Variants in NPFFR1 observed in about 807,000 individuals in gnomAD.
NPFFR1 encodes the protein G-protein coupled receptor 147.
In NPFFR1, 17 loss-of-function variants were observed where a neutral mutation model predicts 12.7. The ratio of observed to expected loss-of-function variants is 1.34; its 90% confidence interval spans 0.92 to 2.01. The LOEUF (loss-of-function observed/expected upper bound fraction) is 2.01. Ranked by LOEUF, NPFFR1 falls within the 30% of genes most tolerant of loss-of-function variation. NPFFR1 has a pLI of 0.00. For synonymous variants in NPFFR1, 296 were observed against 264.5 expected (o/e 1.12, Z -1.16); for missense variants, 604 against 606.5 (o/e 1.00, Z 0.04).
At chr10:70,259,799 A>C (rs1326534127) in intron 3 of NPFFR1, among the ~76,000 whole-genome samples, 1 of 152,262 alleles carries the variant, frequency 6.6e-6, no homozygotes, top group Non-Finnish European at 1.5e-5. Flanking sequence ...AGCTTTTACA[A>C]GCAGGAGCTC....
At chr10:70,283,632 C>T (rs1351509907) in intron 1 of NPFFR1, 38 bp downstream of exon 1, 4 of 1,528,004 alleles carry the variant, frequency 2.6e-6, no homozygotes, top group Non-Finnish European at 8.8e-7. Context: ...AGTCGGTACC[C>T]TGCCCCACGG....
At chr10:70,268,542 A>T (rs1464879503) in intron 1 of NPFFR1, among the ~76,000 whole-genome samples, 1 of 152,174 alleles carries the variant, frequency 6.6e-6, no homozygotes, top group Non-Finnish European at 1.5e-5. Context: ...ACTCTCGTGC[A>T]GCTGCTGTAG....
chr10:70,265,666 A>G (rs927015005), intron 2 of NPFFR1, among the ~76,000 whole-genome samples: 24 of 152,290 alleles, frequency 1.6e-4, no homozygotes, highest in African/African-American at 5.8e-4. Flanking sequence ...AGAGAGTGGG[A>G]CTGAATGGTA....
intron 3 of NPFFR1, among the ~76,000 whole-genome samples, chr10:70,257,430 T>C (rs1840583277): frequency 6.6e-6 from 1 of 152,244 alleles, no homozygotes; most frequent in Admixed American, 6.5e-5. Context: ...GGACATGCCT[T>C]GTTAACAAAA....
At position 70,254,999 on chromosome 10, in the gene NPFFR1, G is replaced by A; in HGVS notation, c.1251C>T (p.Gly417=). The change falls in exon 4 of 4, where the codon GGC becomes GGT. Residue 417 remains glycine, a synonymous_variant. Transcript: ENST00000277942. ...AHHGLPREGP[G]CSHLPLTIPA... ...GAATGGTGAGGGGCAGGTGGGAGCAGCCAGGCCCTTCCCTGGGCAAGCCGT... is the reference window on the plus strand; with the variant it reads ...GAATGGTGAGGGGCAGGTGGGAGCAACCAGGCCCTTCCCTGGGCAAGCCGT... The A allele has an allele frequency of 6.9e-7, 1 of 1,447,574 alleles. No individual in the cohort carries two copies. Among genetic ancestry groups the A allele is most frequent in the South Asian group, 1.5e-5 (1 of 67,350 alleles). 89.7% of individuals were successfully genotyped at this position (1,447,574 alleles called of 1,614,324 possible). A position where few individuals can be genotyped will look rare whatever the true frequency, so the allele number is the denominator to read the frequency against.
In NPFFR1 at chr10:70,280,948, G is replaced by A. The variant is rs1469249763; in HGVS notation, c.7+2722C>T. ...ACCTGGGAGACAGAGGTGGCAGTGA[G>A]CCGAGAACACGCCACTGCACTCCAG... On this transcript the variant is annotated intron_variant, in intron 1 of 3. Transcript: ENST00000277942. 5.3e-5 allele frequency among the ~76,000 whole-genome samples: 8 copies of A among 152,332 alleles called. No homozygotes were observed. The East Asian group carries it at 1.5e-3, about 29-fold the overall frequency.
chr10:70,283,317 G>A (rs1376672249), intron 1 of NPFFR1, among the ~76,000 whole-genome samples: 1 of 150,330 alleles, frequency 6.7e-6, no homozygotes, highest in Non-Finnish European at 1.5e-5. Flanking sequence ...CCCTCTCTCA[G>A]TGTCTGTCTC....
intron 1 of NPFFR1, among the ~76,000 whole-genome samples, chr10:70,278,309 C>A (rs1840825756): frequency 7.2e-6 from 1 of 138,830 alleles, no homozygotes; most frequent in African/African-American, 2.6e-5. Context: ...CCACCCCCCA[C>A]CCTGCCCCGT....
At chr10:70,282,071 A>C (rs1220704388) in intron 1 of NPFFR1, among the ~76,000 whole-genome samples, 1 of 152,132 alleles carries the variant, frequency 6.6e-6, no homozygotes, top group East Asian at 1.9e-4. Context: ...CACTTCCTTC[A>C]TTCTCTGTAG....
intron 1 of NPFFR1, among the ~76,000 whole-genome samples, chr10:70,283,011 A>G (rs188389298): frequency 7.4e-4 from 112 of 152,244 alleles, no homozygotes; most frequent in African/African-American, 2.6e-3. Context: ...TCAAGCAGAC[A>G]AAGTCGGTGA....
chr10:70,282,830 G>GA (rs1036371035), intron 1 of NPFFR1, among the ~76,000 whole-genome samples: 24 of 152,288 alleles, frequency 1.6e-4, no homozygotes, highest in African/African-American at 5.8e-4. Flanking sequence ...CACAATGGCT[G>GA]AGAGAGGGTT....
In NPFFR1 at chr10:70,257,646, G is replaced by A. The variant is rs186066660; in HGVS notation, c.423-1819C>T. On this transcript the variant is annotated intron_variant, in intron 3 of 3. Coordinates refer to ENST00000277942, the MANE Select transcript of NPFFR1 (RefSeq NM_022146.5). ...TCCCCCAGCCCAACACCTGTAAAGG[G>A]TCTGTGCTGAGGTGGATTAGTAAAA... Among the ~76,000 whole-genome samples, 42 of 152,362 alleles carry A rather than the reference G, an allele frequency of 2.8e-4. No individual in the cohort carries two copies. The Middle Eastern group carries it at 0.02, about 74-fold the overall frequency.
In NPFFR1 at chr10:70,255,293, G is replaced by C. The variant is rs1339839495; in HGVS notation, c.957C>G (p.Phe319Leu). 1.9e-6 allele frequency: 3 copies of C among 1,582,390 alleles called. No homozygotes were observed. Among genetic ancestry groups the C allele is most frequent in the Non-Finnish European group, 2.6e-6 (3 of 1,168,746 alleles). Residue 319 changes from phenylalanine (F) to leucine (L), a missense_variant, in exon 4 of 4, where the codon TTC (phenylalanine) becomes TTG (leucine). Transcript: ENST00000277942. This position sits in a 1 kb window ranked among gnomAD's most constrained non-coding sequence, Gnocchi z 4.2. ...YAFPFAHWLA[F>L]FNSSANPIIY... Reference sequence around the variant, plus strand: ...TGATGGGGTTGGCGCTGCTGTTGAAGAAGGCCAGCCAGTGCGCGAAGGGGA... The same window carrying C: ...TGATGGGGTTGGCGCTGCTGTTGAACAAGGCCAGCCAGTGCGCGAAGGGGA...
Position 70,260,632 on chromosome 10 carries a change from C to T in NPFFR1, c.422+8G>A, listed in dbSNP as rs1194416393. The T allele has an allele frequency of 5.0e-6, 8 of 1,603,216 alleles. No individual in the cohort carries two copies. The highest frequency in any genetic ancestry group is 4.0e-5 in the African/African-American group (3 of 74,712). On this transcript the variant is annotated splice_region_variant and intron_variant, in intron 3 of 3. Transcript: ENST00000277942. ...GCTCAGGCATAATCCAGCCAGGAAA[C>T]CTCTCACCTTTCCACAGCAATGGCC... is the stretch of plus-strand genomic sequence containing the variant.
chr10:70,258,095 G>A (rs1589909747), intron 3 of NPFFR1, among the ~76,000 whole-genome samples: 2 of 152,282 alleles, frequency 1.3e-5, no homozygotes, highest in South Asian at 4.1e-4. Flanking sequence ...GGTATGCAGA[G>A]CACCGGTCAC....
At chr10:70,266,510 G>T in intron 1 of NPFFR1, 119 bp from the exon 2 acceptor site, 1 of 784,372 alleles carries the variant, frequency 1.3e-6, no homozygotes, top group Non-Finnish European at 2.0e-6. Flanking sequence ...CCCCAAGCAT[G>T]TCCCCAGCTC....
chr10:70,248,113 A>C lies in NPFFR1; in HGVS notation c.*6844T>G, dbSNP rs1316639476. Reference sequence around the variant, plus strand: ...TGAACCTCAGTTTCCCAGATGTAGGAAGGAGAGACCACAGCAGCTTGGGGA... The same window carrying C: ...TGAACCTCAGTTTCCCAGATGTAGGCAGGAGAGACCACAGCAGCTTGGGGA... On this transcript the variant is annotated 3_prime_UTR_variant, in exon 4 of 4. Coordinates refer to ENST00000277942, the MANE Select transcript of NPFFR1 (RefSeq NM_022146.5). The C allele has an allele frequency of 2.0e-5, 3 of 152,162 alleles. No homozygotes were observed. The highest frequency in any genetic ancestry group is 7.2e-5 in the African/African-American group (3 of 41,438). The allele number at this position is 152,162 out of a possible 1,614,324, so 9.4% of individuals were successfully genotyped here.
chr10:70,266,427 G>C (rs762972152), intron 1 of NPFFR1, 36 bp from the exon 2 acceptor site: 1 of 1,519,324 alleles, frequency 6.6e-7, no homozygotes, highest in Non-Finnish European at 9.0e-7. Flanking sequence ...AGGACCTTAG[G>C]CAAAGAAGAG....
In NPFFR1 at chr10:70,266,280, G is replaced by A. The variant is rs1430443861; in HGVS notation, c.119C>T (p.Ser40Phe). ...CACAATGAACATGGCCGCCACAGGG[G>A]AGGTGTGCTGATAGTAGGAGGAGAA... Reference protein sequence around the residue: ...LTFSSYYQHTSPVAAMFIVAY... With the variant: ...LTFSSYYQHTFPVAAMFIVAY... Residue 40 changes from serine (S) to phenylalanine (F), a missense_variant, in exon 2 of 4, where the codon TCC (serine) becomes TTC (phenylalanine). Coordinates refer to ENST00000277942, the MANE Select transcript of NPFFR1 (RefSeq NM_022146.5). The A allele has an allele frequency of 2.8e-5, 45 of 1,613,960 alleles. No homozygotes were observed. Among genetic ancestry groups the A allele is most frequent in the East Asian group, 4.5e-5 (2 of 44,884 alleles).
Sources: allele counts gnomAD v4.1 joint callset (sites outside exome capture counted in the v4.1 genomes callset), GRCh38; gene constraint gnomAD v4.1.1; non-coding constraint Gnocchi (gnomAD v3.1); transcripts MANE v1.5; gene names NCBI Gene and HGNC (gene_info 2026-07-23, HGNC 2026-07-21).